MAF: variants seen among roughly 807,000 people sequenced by gnomAD.
MAF encodes the protein MAF bZIP transcription factor.
Under a neutral mutation model 22.0 loss-of-function variants are expected in MAF, and 10 were observed. The observed-to-expected ratio is 0.45, with a 90% CI of 0.28 to 0.77. MAF has a LOEUF of 0.77. MAF is among the 30% of genes least tolerant of loss of function. The probability of loss-of-function intolerance (pLI) is 0.12; values close to 1 mark genes in which losing one functional copy is unlikely to be tolerated. For synonymous variants in MAF, 337 were observed against 255.8 expected, an observed-to-expected ratio of 1.32 and a Z score of -3.03; for missense variants, 544 against 548.4, an observed-to-expected ratio of 0.99 and a Z score of 0.08.
chr16:79,234,760 G>T, the MAF span, among the ~76,000 whole-genome samples: 1 of 152,222 alleles, frequency 6.6e-6, no homozygotes, highest in Non-Finnish European at 1.5e-5. Flanking sequence ...AACACAGTGG[G>T]GAGTGGCTCC....
At chr16:79,337,202 C>A in the MAF span, among the ~76,000 whole-genome samples, 1 of 152,106 alleles carries the variant, frequency 6.6e-6, no homozygotes, top group Non-Finnish European at 1.5e-5. Flanking sequence ...TTGTGGATAC[C>A]GTGGCCTCCT....
the MAF span, among the ~76,000 whole-genome samples, chr16:79,334,829 C>A: frequency 6.8e-6 from 1 of 146,992 alleles, no homozygotes; most frequent in Non-Finnish European, 1.5e-5. Context: ...GGCAGTTATA[C>A]GTCAATAAAG....
the MAF span, among the ~76,000 whole-genome samples, chr16:79,580,195 G>A: frequency 6.6e-6 from 1 of 152,240 alleles, no homozygotes; most frequent in Admixed American, 6.5e-5. Flanking sequence ...CTATCAGCCT[G>A]ATTTGAGAAC....
At chr16:79,354,246 C>T in the MAF span, among the ~76,000 whole-genome samples, 5 of 152,074 alleles carry the variant, frequency 3.3e-5, no homozygotes, top group African/African-American at 1.2e-4. Context: ...CCTGCCTTGG[C>T]CTCCCAAAGT....
the MAF span, among the ~76,000 whole-genome samples, chr16:79,485,277 G>A: frequency 3.3e-5 from 5 of 152,272 alleles, no homozygotes; most frequent in South Asian, 4.1e-4. Flanking sequence ...AATACTACTT[G>A]CCTCATAGGG....
At chr16:79,575,281 G>T in the MAF span, among the ~76,000 whole-genome samples, 1 of 152,154 alleles carries the variant, frequency 6.6e-6, no homozygotes, top group African/African-American at 2.4e-5. Context: ...CCCATTATCA[G>T]AAAAGCAGGC....
At chr16:79,260,112 T>C in the MAF span, among the ~76,000 whole-genome samples, 1 of 152,234 alleles carries the variant, frequency 6.6e-6, no homozygotes, top group Non-Finnish European at 1.5e-5. Flanking sequence ...TGCCATCAAC[T>C]AACAACTCCA....
At chr16:79,443,172 C>T in the MAF span, among the ~76,000 whole-genome samples, 10 of 152,124 alleles carry the variant, frequency 6.6e-5, no homozygotes, top group Admixed American at 6.5e-5. Flanking sequence ...TCTCCTGCCT[C>T]TCTCCTTGGT....
chr16:79,346,166 T>C, the MAF span, among the ~76,000 whole-genome samples: 1 of 151,556 alleles, frequency 6.6e-6, no homozygotes, highest in East Asian at 1.9e-4. Context: ...CTCCTAATGC[T>C]ATTCCTCCCC....
chr16:79,388,459 T>C, the MAF span, among the ~76,000 whole-genome samples: 1 of 152,262 alleles, frequency 6.6e-6, no homozygotes, highest in African/African-American at 2.4e-5. Flanking sequence ...CATAGGATAC[T>C]TTTCTTCAAT....
the MAF span, among the ~76,000 whole-genome samples, chr16:79,391,896 G>GAGA: frequency 1.9e-4 from 14 of 74,764 alleles, no homozygotes; most frequent in Admixed American, 6.2e-4. Flanking sequence ...GGAGGAGGAG[G>GAGA]AGCAGGAGGA....
chr16:79,323,550 G>T, the MAF span, among the ~76,000 whole-genome samples: 1 of 152,144 alleles, frequency 6.6e-6, no homozygotes, highest in African/African-American at 2.4e-5. Flanking sequence ...TGAAAGGAGA[G>T]AGACAAAGAA....
chr16:79,561,423 G>T, the MAF span, among the ~76,000 whole-genome samples: 1 of 151,018 alleles, frequency 6.6e-6, no homozygotes, highest in Admixed American at 6.6e-5. Flanking sequence ...CCATTAACTC[G>T]TCATTTACCA....
the MAF span, among the ~76,000 whole-genome samples, chr16:79,224,589 A>G: frequency 6.6e-6 from 1 of 152,226 alleles, no homozygotes; most frequent in African/African-American, 2.4e-5. Context: ...TACAGATGAC[A>G]TGATTGCATA....
the MAF span, among the ~76,000 whole-genome samples, chr16:79,392,613 C>G: frequency 6.6e-6 from 1 of 151,952 alleles, no homozygotes; most frequent in Non-Finnish European, 1.5e-5. Context: ...AGCCATTAGC[C>G]AAAACAATGC....
At chr16:79,284,313 G>T in the MAF span, among the ~76,000 whole-genome samples, 3 of 152,292 alleles carry the variant, frequency 2.0e-5, no homozygotes, top group South Asian at 2.1e-4. Context: ...AGCAAGAAAA[G>T]GTGAAGGACG....
At chr16:79,453,138 C>T in the MAF span, among the ~76,000 whole-genome samples, 2 of 152,136 alleles carry the variant, frequency 1.3e-5, no homozygotes, top group African/African-American at 4.8e-5. Flanking sequence ...TTCAGACCTC[C>T]GCCTAACTGG....
the MAF span, among the ~76,000 whole-genome samples, chr16:79,551,793 G>A: frequency 7.9e-5 from 12 of 152,160 alleles, no homozygotes; most frequent in Non-Finnish European, 1.2e-4. Context: ...TATCATCCAC[G>A]GATGCTTCAC....
chr16:79,223,881 C>G, the MAF span, among the ~76,000 whole-genome samples: 1 of 152,070 alleles, frequency 6.6e-6, no homozygotes, highest in Non-Finnish European at 1.5e-5. Context: ...GCCTACCACC[C>G]AAAATAAGTC....
Sources: gnomAD v4.1 joint callset for allele counts (sites outside exome capture counted in the v4.1 genomes callset) on GRCh38, gnomAD v4.1.1 for gene constraint, MANE v1.5 for transcripts, NCBI Gene and HGNC (gene_info 2026-07-23, HGNC 2026-07-21) for gene names.